The following L3MBTL4 variants were observed in gnomAD, a reference collection of about 807,000 sequenced individuals.
L3MBTL4 encodes the protein L3MBTL histone methyl-lysine binding protein 4.
Under a neutral mutation model 84.5 loss-of-function variants are expected in L3MBTL4, and 70 were observed. That is an observed-to-expected ratio of 0.83 (90% CI 0.68 to 1.01). The LOEUF is 1.01. L3MBTL4 is among the 50% of genes least tolerant of loss of function. The pLI is 0.00. For missense variants in L3MBTL4, 715 were observed against 754.8 expected, an observed-to-expected ratio of 0.95 and a Z score of 0.62; for synonymous variants, 274 against 259.8, an observed-to-expected ratio of 1.05 and a Z score of -0.52.
At chr18:6,265,618 A>G (rs1181265912) in intron 4 of L3MBTL4, among the ~76,000 whole-genome samples, 1 of 152,206 alleles carries the variant, frequency 6.6e-6, no homozygotes, top group East Asian at 1.9e-4. Context: ...AAAACTAAGT[A>G]AAGACACAAA....
chr18:6,240,481 CT>C (rs1376195760), intron 8 of L3MBTL4, among the ~76,000 whole-genome samples: 1 of 151,382 alleles, frequency 6.6e-6, no homozygotes, highest in Non-Finnish European at 1.5e-5. Context: ...CTGTGCTTTT[CT>C]TAGTATAAAA....
intron 14 of L3MBTL4, among the ~76,000 whole-genome samples, chr18:6,100,602 T>C (rs1182483560): frequency 1.3e-5 from 2 of 152,202 alleles, no homozygotes; most frequent in African/African-American, 2.4e-5. Flanking sequence ...CTAGCTCCTA[T>C]TCAACTTTCT....
chr18:6,224,863 A>G (rs1339012265), intron 10 of L3MBTL4, among the ~76,000 whole-genome samples: 2 of 152,146 alleles, frequency 1.3e-5, no homozygotes, highest in South Asian at 2.1e-4. Flanking sequence ...TCAAAGTATA[A>G]CTAAGATGAA....
At chr18:6,264,978 C>T (rs1292527450) in intron 4 of L3MBTL4, among the ~76,000 whole-genome samples, 1 of 152,198 alleles carries the variant, frequency 6.6e-6, no homozygotes, top group Non-Finnish European at 1.5e-5. Context: ...CATGGACATG[C>T]CCTTTCAAAA....
At chr18:6,095,027 C>A (rs2058584362) in intron 14 of L3MBTL4, among the ~76,000 whole-genome samples, 1 of 152,094 alleles carries the variant, frequency 6.6e-6, no homozygotes, top group Non-Finnish European at 1.5e-5. Context: ...ATGCTAGGTA[C>A]TATAGAGAAT....
chr18:6,069,136 G>C (rs1419931498), intron 16 of L3MBTL4, among the ~76,000 whole-genome samples: 1 of 152,254 alleles, frequency 6.6e-6, no homozygotes, highest in Non-Finnish European at 1.5e-5. Flanking sequence ...CACTCTGTGA[G>C]ATTTCTTGGT....
chr18:6,312,204 C>G (rs1001583302), intron 1 of L3MBTL4, 148 bp from the exon 2 acceptor site: 7 of 152,208 alleles, frequency 4.6e-5, no homozygotes, highest in African/African-American at 1.7e-4. Flanking sequence ...GAGAACCAAC[C>G]ATCAATACCA....
intron 16 of L3MBTL4, among the ~76,000 whole-genome samples, chr18:5,972,853 A>T (rs1428640137): frequency 2.3e-5 from 2 of 88,262 alleles, no homozygotes; most frequent in Non-Finnish European, 4.1e-5. Context: ...GACAAAAAAT[A>T]GAATAGTATA....
chr18:6,034,200 G>C (rs1041494055), intron 16 of L3MBTL4, among the ~76,000 whole-genome samples: 1 of 151,812 alleles, frequency 6.6e-6, no homozygotes, highest in Non-Finnish European at 1.5e-5. Flanking sequence ...ACAATGTGCA[G>C]GTTAGTTACA....
chr18:6,072,913 TATATATATATATAC>T (rs1193488390), intron 16 of L3MBTL4, among the ~76,000 whole-genome samples: 10 of 86,962 alleles, frequency 1.1e-4, no homozygotes, highest in African/African-American at 5.0e-4. Context: ...TATATATATA[TATATATATATATAC>T]ACACATACAT....
intron 10 of L3MBTL4, among the ~76,000 whole-genome samples, chr18:6,221,172 A>T (rs1224942109): frequency 6.6e-6 from 1 of 152,150 alleles, no homozygotes; most frequent in African/African-American, 2.4e-5. Flanking sequence ...TTTCTAAAGA[A>T]TTGAGCTCAT....
chr18:6,112,382 G>A (rs970094554), intron 14 of L3MBTL4, among the ~76,000 whole-genome samples: 8 of 152,132 alleles, frequency 5.3e-5, no homozygotes, highest in African/African-American at 7.2e-5. Flanking sequence ...GCACTGGCAC[G>A]TCACACTGAC....
At chr18:6,293,043 C>T (rs1319758816) in intron 4 of L3MBTL4, among the ~76,000 whole-genome samples, 1 of 152,180 alleles carries the variant, frequency 6.6e-6, no homozygotes, top group African/African-American at 2.4e-5. Context: ...CAAAGACCAC[C>T]CAGTCTGTGT....
chr18:6,081,780 T>C (rs1309651449), intron 15 of L3MBTL4, among the ~76,000 whole-genome samples: 1 of 152,224 alleles, frequency 6.6e-6, no homozygotes, highest in African/African-American at 2.4e-5. Flanking sequence ...GAAACCTAAA[T>C]GACTTACAGA....
At chr18:6,146,189 G>C (rs960631934) in intron 13 of L3MBTL4, among the ~76,000 whole-genome samples, 1 of 152,216 alleles carries the variant, frequency 6.6e-6, no homozygotes, top group Non-Finnish European at 1.5e-5. Context: ...AGAGGGGATC[G>C]GTGAGAACAC....
intron 16 of L3MBTL4, among the ~76,000 whole-genome samples, chr18:5,976,958 GA>G (rs540208210): frequency 3.9e-5 from 6 of 152,284 alleles, no homozygotes; most frequent in African/African-American, 1.4e-4. Flanking sequence ...AGGGAGGACT[GA>G]GGGAACCGAG....
chr18:6,306,682 G>A (rs988777653), intron 3 of L3MBTL4, among the ~76,000 whole-genome samples: 2 of 152,118 alleles, frequency 1.3e-5, no homozygotes, highest in Non-Finnish European at 2.9e-5. Flanking sequence ...TTCTCTGCTT[G>A]GCCATCAAGC....
At chr18:6,210,129 A>C (rs964777421) in intron 12 of L3MBTL4, among the ~76,000 whole-genome samples, 1 of 152,218 alleles carries the variant, frequency 6.6e-6, no homozygotes, top group Non-Finnish European at 1.5e-5. Context: ...AAGGTACGTG[A>C]ATTGTATCTC....
chr18:6,406,432 CT>C (rs1490911756), intron 1 of L3MBTL4, among the ~76,000 whole-genome samples: 8 of 151,822 alleles, frequency 5.3e-5, no homozygotes, highest in African/African-American at 1.9e-4. Context: ...AGAGAATGTG[CT>C]TTTCGATTCA....
Sources: allele counts gnomAD v4.1 joint callset (sites outside exome capture counted in the v4.1 genomes callset), GRCh38; gene constraint gnomAD v4.1.1; transcripts MANE v1.5; gene names NCBI Gene and HGNC (gene_info 2026-07-23, HGNC 2026-07-21).